Variants in SPOCK3 observed in about 807,000 individuals in gnomAD.
The protein encoded by SPOCK3 is testican-3.
SPOCK3 carries 30 observed loss-of-function variants against 56.6 expected under a neutral mutation model. That is an observed-to-expected ratio of 0.53 (90% CI 0.40 to 0.72). The LOEUF (loss-of-function observed/expected upper bound fraction) is 0.72, where lower values mean the gene tolerates loss of function less well. Among genes scored for constraint, SPOCK3 ranks in the 30% least tolerant of loss-of-function variants. The pLI is 0.00. For missense variants in SPOCK3, 527 were observed against 530.0 expected (o/e 0.99, Z 0.06); for synonymous variants, 196 against 183.3 (o/e 1.07, Z -0.56).
intron 3 of SPOCK3, among the ~76,000 whole-genome samples, chr4:167,059,217 C>T (rs2150239157): frequency 6.6e-6 from 1 of 152,160 alleles, no homozygotes; most frequent in East Asian, 1.9e-4. Context: ...AACAGGCAAC[C>T]TACAAAATGG....
chr4:166,985,897 C>G (rs1405953933), intron 4 of SPOCK3, among the ~76,000 whole-genome samples: 1 of 152,112 alleles, frequency 6.6e-6, no homozygotes, highest in Non-Finnish European at 1.5e-5. Flanking sequence ...ACAAACGTAA[C>G]AGATAAAGTT....
intron 5 of SPOCK3, among the ~76,000 whole-genome samples, chr4:166,907,211 A>G (rs1034978908): frequency 2.0e-5 from 3 of 152,066 alleles, no homozygotes; most frequent in Non-Finnish European, 2.9e-5. Flanking sequence ...TCATTGCATT[A>G]TATCTTCCCT....
chr4:166,795,237 A>C (rs17052608), intron 6 of SPOCK3, among the ~76,000 whole-genome samples: 30,232 of 152,050 alleles, frequency 0.2, 4,050 homozygotes, highest in East Asian at 0.68. Context: ...TCCTAATTTA[A>C]AACAATTTCT....
At chr4:166,987,710 T>C (rs1747321095) in intron 4 of SPOCK3, among the ~76,000 whole-genome samples, 1 of 152,200 alleles carries the variant, frequency 6.6e-6, no homozygotes, top group South Asian at 2.1e-4. Context: ...TTCACTGCTT[T>C]AGCTGAATAG....
chr4:166,971,104 A>T (rs1265810723), intron 4 of SPOCK3, among the ~76,000 whole-genome samples: 1 of 152,208 alleles, frequency 6.6e-6, no homozygotes, highest in East Asian at 1.9e-4. Context: ...ACCCAACTTC[A>T]ATGTATAATT....
chr4:166,831,994 A>T (rs1048110969), intron 6 of SPOCK3, among the ~76,000 whole-genome samples: 2 of 151,914 alleles, frequency 1.3e-5, no homozygotes, highest in Admixed American at 6.6e-5. Flanking sequence ...GACCTTTGTC[A>T]GATATATAGT....
At chr4:166,829,311 T>G (rs1045808152) in intron 6 of SPOCK3, among the ~76,000 whole-genome samples, 1 of 152,096 alleles carries the variant, frequency 6.6e-6, no homozygotes, top group Non-Finnish European at 1.5e-5. Flanking sequence ...AATGACAGCA[T>G]TCATAACTAG....
intron 2 of SPOCK3, among the ~76,000 whole-genome samples, chr4:167,105,463 T>TAAAAAAAAAAAAAAAAAAAAAAAAATAA (rs552028589): frequency 1.0e-5 from 1 of 98,678 alleles, no homozygotes; most frequent in Non-Finnish European, 2.0e-5. Context: ...ACACAAAAAT[T>TAAAAAAAAAAAAAAAAAAAAAAAAATAA]AAAAAAAAAA....
intron 2 of SPOCK3, among the ~76,000 whole-genome samples, chr4:167,114,834 T>G (rs1000385525): frequency 2.0e-5 from 3 of 152,042 alleles, no homozygotes; most frequent in South Asian, 2.1e-4. Context: ...CTAAAGATAG[T>G]GTCTCATTCA....
intron 2 of SPOCK3, among the ~76,000 whole-genome samples, chr4:167,181,033 C>T (rs1340561895): frequency 6.6e-6 from 1 of 152,106 alleles, no homozygotes; most frequent in Non-Finnish European, 1.5e-5. Flanking sequence ...TTAAAGAGGA[C>T]CTCAGCTAGA....
chr4:166,996,196 T>C (rs928216809), intron 4 of SPOCK3, among the ~76,000 whole-genome samples: 1 of 152,188 alleles, frequency 6.6e-6, no homozygotes, highest in African/African-American at 2.4e-5. Flanking sequence ...TTCTTTTTTT[T>C]CTTTTAATCC....
intron 3 of SPOCK3, among the ~76,000 whole-genome samples, chr4:167,025,057 G>C (rs753692575): frequency 3.9e-5 from 6 of 151,922 alleles, no homozygotes; most frequent in Non-Finnish European, 8.8e-5. Flanking sequence ...TGCAGCAGGA[G>C]AGCTATATGG....
intron 2 of SPOCK3, among the ~76,000 whole-genome samples, chr4:167,115,686 G>A (rs1194723529): frequency 6.6e-6 from 1 of 152,050 alleles, no homozygotes; most frequent in African/African-American, 2.4e-5. Context: ...GCAGTTGTTA[G>A]GAAGTAGGGA....
chr4:166,754,423 A>G, intron 8 of SPOCK3, 85 bp downstream of exon 8: 1 of 1,491,004 alleles, frequency 6.7e-7, no homozygotes, highest in South Asian at 1.4e-5. Context: ...GAATGAGCAT[A>G]GTGTACTGTT....
chr4:167,035,543 A>T (rs964134163), intron 3 of SPOCK3, among the ~76,000 whole-genome samples: 4 of 152,150 alleles, frequency 2.6e-5, no homozygotes, highest in South Asian at 2.1e-4. Context: ...ATCTCCATGG[A>T]TTAACCATGT....
At chr4:167,039,205 T>C (rs1434652387) in intron 3 of SPOCK3, among the ~76,000 whole-genome samples, 1 of 152,212 alleles carries the variant, frequency 6.6e-6, no homozygotes, top group Non-Finnish European at 1.5e-5. Context: ...CTTGTGTGTC[T>C]ATCTGTCTTT....
Position 167,116,528 on chromosome 4 carries a change from GTA to G in SPOCK3, c.190-53993_190-53992del, listed in dbSNP as rs543390308. ...TATACACAAATATATATACGTATAT[GTA>G]TATATATATAAAAGTATATATATGA... On this transcript the variant is annotated intron_variant, in intron 2 of 10. Transcript: ENST00000357545. Among the ~76,000 whole-genome samples, 510 of 128,102 alleles carry G rather than the reference GTA, an allele frequency of 4.0e-3. 3 individuals are homozygous for G. The highest frequency in any genetic ancestry group is 5.1e-3 in the Non-Finnish European group (315 of 61,918). The allele number at this position is 128,102 out of a possible 152,430, so 84.0% of individuals were successfully genotyped here.
At chr4:166,783,715 T>A (rs1740425422) in intron 7 of SPOCK3, among the ~76,000 whole-genome samples, 1 of 152,074 alleles carries the variant, frequency 6.6e-6, no homozygotes, top group Non-Finnish European at 1.5e-5. Flanking sequence ...CAACCCCAAA[T>A]AATTTTTTTA....
At chr4:167,151,011 C>G (rs1000701452) in intron 2 of SPOCK3, among the ~76,000 whole-genome samples, 2 of 152,118 alleles carry the variant, frequency 1.3e-5, no homozygotes, top group Non-Finnish European at 2.9e-5. Flanking sequence ...CAGTTGAAGA[C>G]AATATTGCAT....
Sources: gnomAD v4.1 joint callset for allele counts (sites outside exome capture counted in the v4.1 genomes callset) on GRCh38, gnomAD v4.1.1 for gene constraint, MANE v1.5 for transcripts, NCBI Gene and HGNC (gene_info 2026-07-23, HGNC 2026-07-21) for gene names.